HS3ST5: variants seen among roughly 807,000 people sequenced by gnomAD.
The protein encoded by HS3ST5 is heparan sulfate glucosamine 3-O-sulfotransferase 5.
A neutral mutation model predicts 25.4 loss-of-function variants in HS3ST5; 10 were observed. The observed-to-expected ratio is 0.39, with a 90% CI of 0.24 to 0.67. The LOEUF (loss-of-function observed/expected upper bound fraction) is 0.67. HS3ST5 is among the 30% of genes least tolerant of loss of function. The probability of loss-of-function intolerance (pLI) is 0.44; values close to 1 mark genes in which losing one functional copy is unlikely to be tolerated. For synonymous variants in HS3ST5, 170 were observed against 162.4 expected (o/e 1.05, Z -0.36); for missense variants, 324 against 420.7 (o/e 0.77, Z 2.01).
chr6:114,133,248 C>T (rs1433648078), intron 3 of HS3ST5, among the ~76,000 whole-genome samples: 3 of 152,174 alleles, frequency 2.0e-5, no homozygotes, highest in African/African-American at 7.2e-5. Flanking sequence ...TCAGAGTCAG[C>T]TTCTTTGAAC....
intron 3 of HS3ST5, among the ~76,000 whole-genome samples, chr6:114,111,391 A>C (rs1178888195): frequency 6.6e-6 from 1 of 152,214 alleles, no homozygotes; most frequent in Non-Finnish European, 1.5e-5. Flanking sequence ...CCATAAAGAC[A>C]TCACAGATAA....
intron 2 of HS3ST5, among the ~76,000 whole-genome samples, chr6:114,208,668 T>C (rs138495668): frequency 6.6e-6 from 1 of 152,284 alleles, no homozygotes; most frequent in East Asian, 1.9e-4. Flanking sequence ...AAGCTATAGA[T>C]ACGTTTGTTG....
chr6:114,129,817 T>C (rs936308453), intron 3 of HS3ST5, among the ~76,000 whole-genome samples: 5 of 152,232 alleles, frequency 3.3e-5, no homozygotes, highest in Admixed American at 6.5e-5. Flanking sequence ...TTCAAAGATT[T>C]TGTATAAAAC....
At chr6:114,323,497 G>C (rs986668632) in intron 1 of HS3ST5, among the ~76,000 whole-genome samples, 3 of 151,964 alleles carry the variant, frequency 2.0e-5, no homozygotes, top group African/African-American at 4.8e-5. Flanking sequence ...ATTTTGGCAG[G>C]AATCAGAAAG....
intron 3 of HS3ST5, among the ~76,000 whole-genome samples, chr6:114,075,316 A>G (rs971460334): frequency 3.3e-5 from 5 of 152,246 alleles, no homozygotes; most frequent in African/African-American, 9.6e-5. Context: ...GCTGCACTTC[A>G]GAATCTCACC....
intron 3 of HS3ST5, chr6:114,112,391 A>C (rs1164370706): frequency 1.3e-5 from 2 of 152,296 alleles, no homozygotes; most frequent in Non-Finnish European, 2.9e-5. Flanking sequence ...AAAGGCAAAG[A>C]AATGGATTCT....
At position 114,319,542 on chromosome 6, in the gene HS3ST5, G is replaced by A. The variant is rs556221216; in HGVS notation, c.-339+22653C>T. On this transcript the variant is annotated intron_variant, in intron 1 of 4. Transcript: ENST00000312719. ...AATTCTACTTTTTTTCTCTTTTTTG[G>A]TACCCTGGGTACATATATCATAAGT... Among the ~76,000 whole-genome samples the A allele has an allele frequency of 2.0e-5, 3 of 151,888 alleles. 1 individual carries two copies. In the East Asian group the frequency reaches 5.8e-4, roughly 29 times the overall value.
At chr6:114,264,698 G>A (rs1465360753) in intron 1 of HS3ST5, among the ~76,000 whole-genome samples, 1 of 152,072 alleles carries the variant, frequency 6.6e-6, no homozygotes, top group Non-Finnish European at 1.5e-5. Context: ...TGAAAAGCTT[G>A]GACTAGTGTT....
intron 1 of HS3ST5, among the ~76,000 whole-genome samples, chr6:114,320,134 T>C (rs1347770623): frequency 6.6e-6 from 1 of 152,052 alleles, no homozygotes; most frequent in Non-Finnish European, 1.5e-5. Flanking sequence ...GTGACTGCAC[T>C]GTTATTGGGA....
intron 2 of HS3ST5, among the ~76,000 whole-genome samples, chr6:114,190,281 G>A (rs1241427669): frequency 1.3e-5 from 2 of 152,110 alleles, no homozygotes; most frequent in South Asian, 2.1e-4. Context: ...GAGACACACA[G>A]TGAGGCCATT....
At chr6:114,214,384 T>TC (rs1275250175) in intron 2 of HS3ST5, among the ~76,000 whole-genome samples, 1 of 152,234 alleles carries the variant, frequency 6.6e-6, no homozygotes, top group Non-Finnish European at 1.5e-5. Context: ...TTGTCACATC[T>TC]CCTTAGTCTC....
intron 3 of HS3ST5, among the ~76,000 whole-genome samples, chr6:114,092,725 G>C (rs1245603316): frequency 6.6e-6 from 1 of 150,510 alleles, no homozygotes; most frequent in Non-Finnish European, 1.5e-5. Flanking sequence ...GCCCAGGCTG[G>C]AGTGCAATGG....
In HS3ST5 at chr6:114,337,270, A is replaced by G. The variant is rs545817500; in HGVS notation, c.-339+4925T>C. 1.4e-3 allele frequency among the ~76,000 whole-genome samples: 206 copies of G among 152,192 alleles called. 1 individual carries two copies. Among genetic ancestry groups the G allele is most frequent in the Non-Finnish European group, 2.6e-3 (174 of 68,018 alleles). On this transcript the variant is annotated intron_variant, in intron 1 of 4. Transcript: ENST00000312719. The stretch of plus-strand genomic sequence containing the variant: ...TTTTTTTAACCTCTGGAGAAGCAAC[A>G]TGTGGAATGCTCTGCTTCAGTACAT...
intron 3 of HS3ST5, among the ~76,000 whole-genome samples, chr6:114,101,797 C>G (rs1317061856): frequency 6.6e-6 from 1 of 152,152 alleles, no homozygotes; most frequent in African/African-American, 2.4e-5. Context: ...ATGGAATCAA[C>G]CTAAATTCCC....
intron 2 of HS3ST5, among the ~76,000 whole-genome samples, chr6:114,208,574 G>C (rs1562238445): frequency 6.6e-6 from 1 of 152,254 alleles, no homozygotes; most frequent in South Asian, 2.1e-4. Flanking sequence ...ATCATTGCAG[G>C]GGCGAGTGTG....
intron 3 of HS3ST5, among the ~76,000 whole-genome samples, chr6:114,085,690 C>A (rs1774757746): frequency 1.3e-5 from 2 of 152,108 alleles, no homozygotes; most frequent in African/African-American, 4.8e-5. Context: ...ACTTGCTTAC[C>A]AATTGGGTGT....
chr6:114,247,244 A>T (rs539572199), intron 1 of HS3ST5, among the ~76,000 whole-genome samples: 12 of 152,336 alleles, frequency 7.9e-5, no homozygotes, highest in African/African-American at 2.9e-4. Flanking sequence ...AACACAAGGA[A>T]TCATGAGGGA....
At chr6:114,192,246 A>G (rs955477061) in intron 2 of HS3ST5, among the ~76,000 whole-genome samples, 7 of 152,198 alleles carry the variant, frequency 4.6e-5, no homozygotes, top group Non-Finnish European at 1.0e-4. Context: ...GATTTAATGT[A>G]TGCATATAGA....
At chr6:114,248,217 A>AAATATATAT (rs779273890) in intron 1 of HS3ST5, among the ~76,000 whole-genome samples, 2 of 143,152 alleles carry the variant, frequency 1.4e-5, no homozygotes, top group African/African-American at 5.1e-5. Flanking sequence ...TGAAAAAAAA[A>AAATATATAT]ATATATATAT....
Sources: gnomAD v4.1 joint callset for allele counts (sites outside exome capture counted in the v4.1 genomes callset) on GRCh38, gnomAD v4.1.1 for gene constraint, MANE v1.5 for transcripts, NCBI Gene and HGNC (gene_info 2026-07-23, HGNC 2026-07-21) for gene names.